PLS1: variants seen among roughly 807,000 people sequenced by gnomAD.
PLS1 encodes the protein plastin 1.
In PLS1, 32 loss-of-function variants were observed where a neutral mutation model predicts 73.7. That is an observed-to-expected ratio of 0.43 (90% CI 0.33 to 0.58). The LOEUF (loss-of-function observed/expected upper bound fraction) is 0.58. Among genes scored for constraint, PLS1 ranks in the 20% least tolerant of loss-of-function variants. The pLI, the probability that PLS1 is intolerant of heterozygous loss-of-function variation, is 0.04. For synonymous variants in PLS1, 217 were observed against 261.3 expected, an observed-to-expected ratio of 0.83 and a Z score of 1.63; for missense variants, 633 against 740.5, an observed-to-expected ratio of 0.85 and a Z score of 1.68.
chr3:142,623,805 CTGG>C (rs2036363002), intron 1 of PLS1, among the ~76,000 whole-genome samples: 1 of 152,098 alleles, frequency 6.6e-6, no homozygotes, highest in African/African-American at 2.4e-5. Context: ...GTAAGCACCA[CTGG>C]TTAGAGAAGA....
intron 6 of PLS1, 29 bp downstream of exon 6, chr3:142,678,142 TGTTACTATGCTGAG>T (rs766572636): frequency 9.1e-7 from 1 of 1,101,460 alleles, no homozygotes; most frequent in South Asian, 1.5e-5. Flanking sequence ...CTTATTATCA[TGTTACTATGCTGAG>T]AAATATAAGA....
intron 1 of PLS1, among the ~76,000 whole-genome samples, chr3:142,659,604 C>A (rs1402248631): frequency 6.6e-6 from 1 of 151,612 alleles, no homozygotes; most frequent in Non-Finnish European, 1.5e-5. Flanking sequence ...GAAGAGTAAG[C>A]CTCTTCCTAG....
intron 1 of PLS1, among the ~76,000 whole-genome samples, chr3:142,660,224 AT>A (rs377725757): frequency 2.6e-5 from 4 of 151,988 alleles, no homozygotes; most frequent in African/African-American, 4.8e-5. Context: ...AACTGTTACC[AT>A]TTTTTTGTAC....
chr3:142,677,417 A>G (rs770476011), intron 5 of PLS1, among the ~76,000 whole-genome samples: 1 of 152,130 alleles, frequency 6.6e-6, no homozygotes, highest in Non-Finnish European at 1.5e-5. Context: ...AGGCTGAGGC[A>G]GGAGGATCAC....
intron 1 of PLS1, among the ~76,000 whole-genome samples, chr3:142,618,268 C>G (rs1369776842): frequency 3.9e-5 from 6 of 152,124 alleles, no homozygotes; most frequent in Non-Finnish European, 5.9e-5. Context: ...GCCTACCCCC[C>G]ACCCTGCTGC....
chr3:142,703,258 T>C (rs2038368949), intron 12 of PLS1, among the ~76,000 whole-genome samples: 1 of 151,966 alleles, frequency 6.6e-6, no homozygotes, highest in Non-Finnish European at 1.5e-5. Context: ...CATGTGCCAT[T>C]AATAAGCTAT....
At chr3:142,657,690 G>C (rs187225999) in intron 1 of PLS1, among the ~76,000 whole-genome samples, 42 of 152,056 alleles carry the variant, frequency 2.8e-4, no homozygotes, top group African/African-American at 8.9e-4. Flanking sequence ...GGGTTTCACT[G>C]TGTTGGCCAG....
At chr3:142,670,734 G>C (rs2037587314) in intron 3 of PLS1, among the ~76,000 whole-genome samples, 1 of 152,196 alleles carries the variant, frequency 6.6e-6, no homozygotes, top group Admixed American at 6.5e-5. Context: ...AAAGATTATG[G>C]CAAGCCAAGA....
intron 1 of PLS1, among the ~76,000 whole-genome samples, chr3:142,641,883 G>C (rs1162642705): frequency 6.6e-6 from 1 of 152,032 alleles, no homozygotes; most frequent in African/African-American, 2.4e-5. Flanking sequence ...TATGTGTTAA[G>C]TATACCACTT....
At chr3:142,633,286 T>G (rs2108592098) in intron 1 of PLS1, among the ~76,000 whole-genome samples, 1 of 152,252 alleles carries the variant, frequency 6.6e-6, no homozygotes, top group South Asian at 2.1e-4. Flanking sequence ...GATGACAAAG[T>G]TATAGAGAAC....
At chr3:142,711,471 A>G (rs369130393) in intron 14 of PLS1, 30 bp from the exon 15 acceptor site, 139 of 1,499,622 alleles carry the variant, frequency 9.3e-5, no homozygotes, top group Non-Finnish European at 1.2e-4. Context: ...TCAGATGTTT[A>G]TGAATGTTCA....
At chr3:142,680,695 T>C (rs2037834168) in intron 6 of PLS1, among the ~76,000 whole-genome samples, 2 of 152,104 alleles carry the variant, frequency 1.3e-5, no homozygotes, top group Admixed American at 1.3e-4. Flanking sequence ...GAACAATGAG[T>C]GGATATTAAT....
chr3:142,639,444 G>A (rs2036781524), intron 1 of PLS1, among the ~76,000 whole-genome samples: 1 of 152,170 alleles, frequency 6.6e-6, no homozygotes, highest in Non-Finnish European at 1.5e-5. Flanking sequence ...GATTGTCAAA[G>A]AGTAAGTTAT....
intron 11 of PLS1, among the ~76,000 whole-genome samples, chr3:142,697,264 C>T (rs1442355942): frequency 2.6e-5 from 4 of 152,032 alleles, no homozygotes; most frequent in Admixed American, 6.6e-5. Context: ...CCCTCATTCC[C>T]GAACACAAAC....
intron 1 of PLS1, among the ~76,000 whole-genome samples, chr3:142,655,321 T>C (rs576170003): frequency 6.6e-6 from 1 of 152,234 alleles, no homozygotes; most frequent in East Asian, 1.9e-4. Flanking sequence ...TGGGGTATAA[T>C]GAAATGGTAA....
intron 4 of PLS1, among the ~76,000 whole-genome samples, chr3:142,671,853 T>C (rs1043503934): frequency 1.3e-5 from 2 of 152,214 alleles, no homozygotes; most frequent in African/African-American, 4.8e-5. Flanking sequence ...CTGTTAATTA[T>C]CCTCTTGATT....
chr3:142,678,754 G>A (rs1019819377), intron 6 of PLS1, among the ~76,000 whole-genome samples: 2 of 151,554 alleles, frequency 1.3e-5, no homozygotes, highest in Non-Finnish European at 2.9e-5. Context: ...TGTCTTTATA[G>A]CAGCATGATT....
intron 1 of PLS1, among the ~76,000 whole-genome samples, chr3:142,631,661 C>A (rs2036566267): frequency 1.5e-5 from 1 of 64,930 alleles, no homozygotes; most frequent in South Asian, 5.7e-4. Flanking sequence ...GACCCTGTCT[C>A]TAGAAAAAAA....
chr3:142,628,688 A>G (rs2036486547), intron 1 of PLS1, among the ~76,000 whole-genome samples: 1 of 152,210 alleles, frequency 6.6e-6, no homozygotes, highest in South Asian at 2.1e-4. Context: ...ACCATGAAGA[A>G]TCACTTTCAA....
Sources: gnomAD v4.1 joint callset for allele counts (sites outside exome capture counted in the v4.1 genomes callset) on GRCh38, gnomAD v4.1.1 for gene constraint, MANE v1.5 for transcripts, NCBI Gene and HGNC (gene_info 2026-07-23, HGNC 2026-07-21) for gene names.